UGT1A1: variants seen among roughly 807,000 people sequenced by gnomAD.
UGT1A1 encodes UDP glucuronosyltransferase family 1 member A1.
A neutral mutation model predicts 40.6 loss-of-function variants in UGT1A1; 33 were observed. That is an observed-to-expected ratio of 0.81 (90% confidence interval 0.62 to 1.09). The LOEUF (loss-of-function observed/expected upper bound fraction) is 1.09, where lower values mean the gene tolerates loss of function less well. Ranked by LOEUF, UGT1A1 falls within the 50% of genes least tolerant of loss-of-function variation. The probability of loss-of-function intolerance (pLI) is 0.00; values close to 1 mark genes in which losing one functional copy is unlikely to be tolerated. For synonymous variants in UGT1A1, 249 were observed against 265.0 expected (o/e 0.94, Z 0.59); for missense variants, 694 against 671.2 (o/e 1.03, Z -0.38).
intron 2 of UGT1A1, among the ~76,000 whole-genome samples, chr2:233,767,480 G>T (rs1699402121): frequency 6.6e-6 from 1 of 152,144 alleles, no homozygotes; most frequent in South Asian, 2.1e-4. Flanking sequence ...ATATTAAATA[G>T]AAGTATTTCT....
intron 4 of UGT1A1, among the ~76,000 whole-genome samples, chr2:233,768,830 T>G (rs1378078075): frequency 6.6e-6 from 1 of 152,106 alleles, no homozygotes; most frequent in Non-Finnish European, 1.5e-5. Flanking sequence ...GTGATCCACC[T>G]GCCTCGGCCT....
chr2:233,772,514 G>C lies in UGT1A1; in HGVS notation c.1557G>C (p.Gly519=). ...CTTATGGCTACCGGAAATGCTTGGGGAAAAAAGGGCGAGTTAAGAAAGCCC... is the reference window on the plus strand; with the variant it reads ...CTTATGGCTACCGGAAATGCTTGGGCAAAAAAGGGCGAGTTAAGAAAGCCC... ...CCAYGYRKCL[G]KKGRVKKAHK... Residue 519 remains glycine, a synonymous_variant, in exon 5 of 5, where the codon GGG becomes GGC. Transcript: ENST00000305208. The C allele has an allele frequency of 6.2e-7, 1 of 1,614,126 alleles. No individual in the cohort carries two copies. Among genetic ancestry groups the C allele is most frequent in the Non-Finnish European group, 8.5e-7 (1 of 1,180,014 alleles).
At chr2:233,763,737 C>T (rs1348809742) in intron 1 of UGT1A1, among the ~76,000 whole-genome samples, 2 of 152,090 alleles carry the variant, frequency 1.3e-5, no homozygotes, top group East Asian at 1.9e-4. Context: ...CTGGCATTGG[C>T]GTGTCTTTGG....
At chr2:233,761,197 G>C in intron 1 of UGT1A1, 46 bp downstream of exon 1, 1 of 1,614,114 alleles carries the variant, frequency 6.2e-7, no homozygotes, top group Non-Finnish European at 8.5e-7. Context: ...TCTTTCAGAT[G>C]TATTACTTTG....
chr2:233,772,756 T>A lies in UGT1A1; in HGVS notation c.*197T>A. On this transcript the variant is annotated 3_prime_UTR_variant, in exon 5 of 5. Transcript: ENST00000305208. The stretch of plus-strand genomic sequence containing the variant: ...TAGTCAGTAAAGATATTTGAATATG[T>A]ATCGTGCCCCCTCTGGTGTCTTTGA... The A allele has an allele frequency of 1.4e-6, 2 of 1,401,856 alleles. No homozygotes were observed. Among genetic ancestry groups the A allele is most frequent in the Non-Finnish European group, 1.9e-6 (2 of 1,069,170 alleles). 86.8% of individuals were successfully genotyped at this position (1,401,856 alleles called of 1,614,324 possible). A position where few individuals can be genotyped will look rare whatever the true frequency, so the allele number is the denominator to read the frequency against.
At chr2:233,771,280 CCTTTT>C (rs1700275539) in intron 4 of UGT1A1, 2 of 152,190 alleles carry the variant, frequency 1.3e-5, no homozygotes, top group Non-Finnish European at 1.5e-5. Flanking sequence ...CTTTCTTCTC[CCTTTT>C]CTTTTCTACT....
In UGT1A1 at chr2:233,772,560, G is replaced by A. The variant is rs773424672; in HGVS notation, c.*1G>A. On this transcript the variant is annotated 3_prime_UTR_variant, in exon 5 of 5. Coordinates refer to ENST00000305208, the MANE Select transcript of UGT1A1 (RefSeq NM_000463.3). Reference sequence around the variant, plus strand: ...AGCCCACAAATCCAAGACCCATTGAGAAGTGGGTGGGAAATAAGGTAAAAT... The same window carrying A: ...AGCCCACAAATCCAAGACCCATTGAAAAGTGGGTGGGAAATAAGGTAAAAT... 4 of 1,613,722 alleles carry A rather than the reference G, an allele frequency of 2.5e-6. No homozygotes were observed. The South Asian group carries it at 3.3e-5, about 13-fold the overall frequency.
rs997006332 is a variant in UGT1A1, at chr2:233,773,053, G to C, written c.*494G>C. 2 of 178,736 alleles carry C rather than the reference G, an allele frequency of 1.1e-5. No individual in the cohort carries two copies. The highest frequency in any genetic ancestry group is 4.8e-5 in the African/African-American group (2 of 42,000). The allele number at this position is 178,736 out of a possible 1,614,324, so 11.1% of individuals were successfully genotyped here. ...AAAGAAGGGAAGCTTTGTACCTTTA[G>C]AGTGTAGGTGAAATGAATGAATGGC... On this transcript the variant is annotated 3_prime_UTR_variant, in exon 5 of 5. Coordinates refer to ENST00000305208, the MANE Select transcript of UGT1A1 (RefSeq NM_000463.3).
At chr2:233,771,176 C>T (rs887864017) in intron 4 of UGT1A1, 17 of 152,256 alleles carry the variant, frequency 1.1e-4, no homozygotes, top group African/African-American at 3.6e-4. Context: ...CTGGGGATTA[C>T]AATTCAACAT....
chr2:233,765,361 G>A (rs1166048656), intron 1 of UGT1A1, among the ~76,000 whole-genome samples: 1 of 152,180 alleles, frequency 6.6e-6, no homozygotes, highest in Non-Finnish European at 1.5e-5. Context: ...CAACCCAGAT[G>A]CCCATCAATG....
chr2:233,766,893 T>C (rs1364703426), intron 1 of UGT1A1, 141 bp from the exon 2 acceptor site: 21 of 1,472,754 alleles, frequency 1.4e-5, no homozygotes. Flanking sequence ...AACTTACATA[T>C]TAATAATTTT....
intron 4 of UGT1A1, among the ~76,000 whole-genome samples, chr2:233,771,783 TCTCCCTCCCTCC>T (rs562104634): frequency 6.6e-6 from 1 of 151,556 alleles, no homozygotes; most frequent in African/African-American, 2.4e-5. Context: ...TCCTTTCCTC[TCTCCCTCCCTCC>T]CTCCCTCCCT....
intron 1 of UGT1A1, among the ~76,000 whole-genome samples, chr2:233,762,725 T>C (rs1290938105): frequency 6.6e-6 from 1 of 152,154 alleles, no homozygotes; most frequent in African/African-American, 2.4e-5. Context: ...CGGTTTTTTT[T>C]TTTTGGTCAC....
chr2:233,764,014 A>C (rs28900399), intron 1 of UGT1A1, among the ~76,000 whole-genome samples: 1 of 152,334 alleles, frequency 6.6e-6, no homozygotes, highest in Non-Finnish European at 1.5e-5. Flanking sequence ...GATGACCCAC[A>C]TGGTGTCTAA....
rs1174769439 is a variant in UGT1A1, at chr2:233,773,222, A to G, written c.*663A>G. On this transcript the variant is annotated 3_prime_UTR_variant, in exon 5 of 5. Coordinates refer to ENST00000305208, the MANE Select transcript of UGT1A1 (RefSeq NM_000463.3). ...TTTGATAAAAACCCAAAATACAGCTATGAAGTGCTGGGCAAGTTTACTTTT... is the reference window on the plus strand; with the variant it reads ...TTTGATAAAAACCCAAAATACAGCTGTGAAGTGCTGGGCAAGTTTACTTTT... 2 of 152,386 alleles carry G rather than the reference A, an allele frequency of 1.3e-5. No homozygotes were observed. Among genetic ancestry groups the G allele is most frequent in the African/African-American group, 4.8e-5 (2 of 41,470 alleles). 9.4% of individuals were successfully genotyped at this position (152,386 alleles called of 1,614,324 possible).
intron 2 of UGT1A1, 55 bp downstream of exon 2, chr2:233,767,220 C>G (rs1167186563): frequency 6.2e-7 from 1 of 1,611,536 alleles, no homozygotes; most frequent in African/African-American, 1.3e-5. Flanking sequence ...GCGCTAATCC[C>G]AGACTTCCAG....
intron 1 of UGT1A1, 112 bp downstream of exon 1, chr2:233,761,263 A>G (rs953290784): frequency 6.9e-6 from 11 of 1,601,374 alleles, no homozygotes; most frequent in Non-Finnish European, 9.4e-6. Flanking sequence ...ATAATTTAAA[A>G]TGCCCTCTTT....
rs1699312675 is a variant in UGT1A1, at chr2:233,767,039, T to C, written c.870T>C (p.Phe290=). The change falls in exon 2 of 5, where the codon TTT becomes TTC. Residue 290 remains phenylalanine, a synonymous_variant. Transcript: ENST00000305208. ...AATTTTTCTTCTGGCTCTAGGAATT[T>C]GAAGCCTACATTAATGCTTCTGGAG... ...CLHQNPLSQE[F]EAYINASGEH... 1 of 1,614,136 alleles carries C rather than the reference T, an allele frequency of 6.2e-7. No homozygotes were observed. The highest frequency in any genetic ancestry group is 1.1e-5 in the South Asian group (1 of 91,058).
chr2:233,769,809 C>A lies in UGT1A1; in HGVS notation c.1304+1370C>A. On this transcript the variant is annotated intron_variant, in intron 4 of 4. Transcript: ENST00000305208. This position sits in a 1 kb window ranked among gnomAD's most constrained non-coding sequence, Gnocchi z 4.4. Reference sequence around the variant, plus strand: ...GTTGGAGGCTGCTATGAGCCGTGATCATGCCACTGCACTCCAGCAACCTGG... The same window carrying A: ...GTTGGAGGCTGCTATGAGCCGTGATAATGCCACTGCACTCCAGCAACCTGG... 4.2e-6 allele frequency: 4 copies of A among 962,960 alleles called. No homozygotes were observed. The highest frequency in any genetic ancestry group is 3.0e-5 in the East Asian group (1 of 33,100). 59.7% of individuals were successfully genotyped at this position (962,960 alleles called of 1,614,324 possible). A position where few individuals can be genotyped will look rare whatever the true frequency, so the allele number is the denominator to read the frequency against.
Sources: allele counts gnomAD v4.1 joint callset (sites outside exome capture counted in the v4.1 genomes callset), GRCh38; gene constraint gnomAD v4.1.1; non-coding constraint Gnocchi (gnomAD v3.1); transcripts MANE v1.5; gene names NCBI Gene and HGNC (gene_info 2026-07-23, HGNC 2026-07-21).